TMCO4: variants seen among roughly 807,000 people sequenced by gnomAD.
TMCO4 encodes the protein transmembrane and coiled-coil domains 4.
Under a neutral mutation model 64.7 loss-of-function variants are expected in TMCO4, and 58 were observed. That is an observed-to-expected ratio of 0.90 (90% CI 0.73 to 1.12). The LOEUF is 1.12. Ranked by LOEUF, TMCO4 falls within the 50% of genes most tolerant of loss-of-function variation. The pLI, the probability that TMCO4 is intolerant of heterozygous loss-of-function variation, is 0.00. For synonymous variants in TMCO4, 325 were observed against 346.1 expected, an observed-to-expected ratio of 0.94 and a Z score of 0.68; for missense variants, 780 against 825.9, an observed-to-expected ratio of 0.94 and a Z score of 0.68.
intron 15 of TMCO4, among the ~76,000 whole-genome samples, chr1:19,690,460 A>C (rs1301268339): frequency 2.0e-5 from 3 of 152,222 alleles, no homozygotes; most frequent in Non-Finnish European, 4.4e-5. Context: ...CCCTCGAGGC[A>C]ACACGCCTGG....
Position 19,771,369 on chromosome 1 carries a change from A to C in TMCO4, c.293T>G (p.Val98Gly), listed in dbSNP as rs560046245. The change falls in exon 5 of 16, where the codon GTG (valine) becomes GGG (glycine). Residue 98 changes from valine to glycine, a missense_variant. Transcript: ENST00000294543. ...GTCCTTCAGTAAAATTTGAACAAAC[A>C]CATCTGCTCCTTCACCTCCCAGGCC... ...ASGLGGEGAD[V>G]FVQILLKDPI... The C allele has an allele frequency of 6.2e-7, 1 of 1,614,212 alleles. No homozygotes were observed. Among genetic ancestry groups the C allele is most frequent in the Admixed American group, 1.7e-5 (1 of 60,026 alleles).
At chr1:19,735,060 G>C (rs979028541) in intron 13 of TMCO4, among the ~76,000 whole-genome samples, 2 of 152,172 alleles carry the variant, frequency 1.3e-5, no homozygotes, top group East Asian at 1.9e-4. Flanking sequence ...TGGGCACTAG[G>C]GGGGCGGCAG....
At chr1:19,699,148 A>G (rs2095255242) in intron 14 of TMCO4, among the ~76,000 whole-genome samples, 1 of 151,750 alleles carries the variant, frequency 6.6e-6, no homozygotes, top group African/African-American at 2.4e-5. Context: ...GTGAGCTGAG[A>G]TTGCAACACT....
chr1:19,745,793 T>A, intron 9 of TMCO4, 142 bp from the exon 10 acceptor site: 1 of 1,171,998 alleles, frequency 8.5e-7, no homozygotes, highest in Non-Finnish European at 1.2e-6. Context: ...GTGTTTGAAC[T>A]CATTAAGGTA....
chr1:19,683,423 C>T lies in TMCO4; in HGVS notation c.1522G>A (p.Ala508Thr), dbSNP rs1224919790. 1 of 1,613,070 alleles carries T rather than the reference C, an allele frequency of 6.2e-7. No individual in the cohort carries two copies. The highest frequency in any genetic ancestry group is 1.3e-5 in the African/African-American group (1 of 75,056). Residue 508 changes from alanine (A) to threonine (T), a missense_variant, in exon 16 of 16, where the codon GCC becomes ACC. By Grantham distance (58) the Ala-to-Thr change is moderately conservative. Transcript: ENST00000294543. The stretch of plus-strand genomic sequence containing the variant: ...TTCAGGATGGCATCCATCTGCTTGG[C>T]ATAGTCCAGGTGGCCGCTGACCTGC... ...TSVVSGHLDYAKQMDAILKAV... is the reference protein window; with the variant it reads ...TSVVSGHLDYTKQMDAILKAV...
intron 15 of TMCO4, among the ~76,000 whole-genome samples, chr1:19,692,887 G>C (rs987441448): frequency 1.3e-5 from 2 of 151,968 alleles, no homozygotes; most frequent in African/African-American, 4.8e-5. Flanking sequence ...AAAAACTGAA[G>C]TTGGTCAGGC....
Position 19,718,503 on chromosome 1 carries a change from A to G in TMCO4, c.1265-17618T>C, listed in dbSNP as rs527670233. 2.6e-5 allele frequency among the ~76,000 whole-genome samples: 4 copies of G among 151,890 alleles called. No homozygotes were observed. The South Asian group carries it at 8.4e-4, about 32-fold the overall frequency. On this transcript the variant is annotated intron_variant, in intron 13 of 15. Transcript: ENST00000294543. The stretch of plus-strand genomic sequence containing the variant: ...CCCTGTTTCTACAAAAAATTAAAAA[A>G]TTAGCCAGGTGTGGTGGCATGCGCC...
intron 7 of TMCO4, among the ~76,000 whole-genome samples, chr1:19,754,725 C>T (rs2042167445): frequency 6.6e-6 from 1 of 152,170 alleles, no homozygotes; most frequent in African/African-American, 2.4e-5. Flanking sequence ...GAATTATTTC[C>T]TTCTACACAT....
intron 4 of TMCO4, among the ~76,000 whole-genome samples, chr1:19,780,184 A>G (rs534550099): frequency 3.9e-5 from 6 of 152,300 alleles, no homozygotes; most frequent in African/African-American, 7.2e-5. Context: ...TTGAGCTTCT[A>G]TGAGAATCTA....
chr1:19,743,718 T>C lies in TMCO4; in HGVS notation c.877+1814A>G, dbSNP rs1246638336. 2.0e-5 allele frequency among the ~76,000 whole-genome samples: 3 copies of C among 152,226 alleles called. No individual in the cohort carries two copies. The highest frequency in any genetic ancestry group is 4.4e-5 in the Non-Finnish European group (3 of 68,038). ...ATTCCTTTACCTGGGCTCTTGTTCTTGCTCCTTCCTGTAGCACGGTAAAAT... is the reference window on the plus strand; with the variant it reads ...ATTCCTTTACCTGGGCTCTTGTTCTCGCTCCTTCCTGTAGCACGGTAAAAT... On this transcript the variant is annotated intron_variant, in intron 10 of 15. Coordinates refer to ENST00000294543, the MANE Select transcript of TMCO4 (RefSeq NM_181719.7). The surrounding 1 kb of genome is among the most constrained non-coding windows in gnomAD (Gnocchi z 4.1).
Position 19,683,111 on chromosome 1 carries a change from T to C in TMCO4, c.1834A>G (p.Met612Val). The change falls in exon 16 of 16, where the codon ATG becomes GTG. Residue 612 changes from methionine to valine, a missense_variant. Coordinates refer to ENST00000294543, the MANE Select transcript of TMCO4 (RefSeq NM_181719.7). ...GGGCAGCCCAGTGGGTTGGGGTCCA[T>C]GCCATGGCTGCAGATGGGGGGCCTT... ...PERPPICSHG[M>V]DPNPLGCPDC... 6.2e-7 allele frequency: 1 copy of C among 1,613,014 alleles called. No homozygotes were observed. The highest frequency in any genetic ancestry group is 8.5e-7 in the Non-Finnish European group (1 of 1,179,516).
intron 14 of TMCO4, among the ~76,000 whole-genome samples, chr1:19,697,125 G>A (rs910830309): frequency 1.3e-4 from 20 of 152,204 alleles, no homozygotes; most frequent in African/African-American, 4.3e-4. Context: ...TGTGCTGGAC[G>A]TGTGTGTGCT....
At position 19,746,345 on chromosome 1, in the gene TMCO4, CCT is replaced by C. The variant is rs370118834; in HGVS notation, c.757+109_757+110del. 8.4e-4 allele frequency: 1,246 copies of C among 1,481,604 alleles called. 9 individuals carry two copies. The African/African-American group carries it at 0.013, about 16-fold the overall frequency. 91.8% of individuals were successfully genotyped at this position (1,481,604 alleles called of 1,614,324 possible). On this transcript the variant is annotated intron_variant, in intron 9 of 15. Transcript: ENST00000294543. ...ACCCAGAGTGAGAAAAGCCACGTCT[CCT>C]CTGTCTCCCAGGGAGTCACTGCTGG...
chr1:19,683,824 G>A (rs1182599791), intron 15 of TMCO4, among the ~76,000 whole-genome samples: 7 of 130,086 alleles, frequency 5.4e-5, no homozygotes, highest in Non-Finnish European at 9.3e-5. Context: ...GTGCCGTGGC[G>A]CAATCTTGGC....
intron 15 of TMCO4, among the ~76,000 whole-genome samples, chr1:19,689,607 C>A (rs2095176379): frequency 6.6e-6 from 1 of 152,238 alleles, no homozygotes; most frequent in Non-Finnish European, 1.5e-5. Flanking sequence ...CTAAGCCATG[C>A]CTCTCTGGTG....
rs1001466552 is a variant in TMCO4, at chr1:19,732,351, T to C, written c.1264+5021A>G. On this transcript the variant is annotated intron_variant, in intron 13 of 15. Transcript: ENST00000294543. This position sits in a 1 kb window ranked among gnomAD's most constrained non-coding sequence, Gnocchi z 4.8. ...CATGCCTGGCTAATTTTAAAATTTT[T>C]TGTAGAGGCAAATTATGTTGCCCAG... Among the ~76,000 whole-genome samples, 10 of 151,828 alleles carry C rather than the reference T, an allele frequency of 6.6e-5. No homozygotes were observed. The highest frequency in any genetic ancestry group is 1.0e-4 in the Non-Finnish European group (7 of 67,918).
At chr1:19,716,381 C>CTTTTTTTTTTTTTTTTTTTTTTTT (rs1262772167) in intron 13 of TMCO4, among the ~76,000 whole-genome samples, 7 of 124,470 alleles carry the variant, frequency 5.6e-5, no homozygotes, top group Non-Finnish European at 1.0e-4. Context: ...TTTTTTCTTT[C>CTTTTTTTTTTTTTTTTTTTTTTTT]TTTTTTTTTT....
At chr1:19,760,282 C>T (rs1472283007) in intron 6 of TMCO4, among the ~76,000 whole-genome samples, 5 of 152,134 alleles carry the variant, frequency 3.3e-5, no homozygotes, top group African/African-American at 1.2e-4. Flanking sequence ...ACTACAGGCA[C>T]ATGCCACAAA....
At chr1:19,717,829 C>T (rs2095363642) in intron 13 of TMCO4, among the ~76,000 whole-genome samples, 1 of 152,204 alleles carries the variant, frequency 6.6e-6, no homozygotes, top group African/African-American at 2.4e-5. Context: ...TTCTGTTATT[C>T]ACCTGCTTTA....
Sources: gnomAD v4.1 joint callset for allele counts (sites outside exome capture counted in the v4.1 genomes callset) on GRCh38, gnomAD v4.1.1 for gene constraint, Gnocchi (gnomAD v3.1) non-coding constraint, MANE v1.5 for transcripts, NCBI Gene and HGNC (gene_info 2026-07-23, HGNC 2026-07-21) for gene names.